Variants in OTUD7A observed in about 807,000 individuals in gnomAD.
OTUD7A encodes the protein OTU deubiquitinase 7A.
Under a neutral mutation model 65.7 loss-of-function variants are expected in OTUD7A, and 12 were observed. The observed-to-expected ratio is 0.18, with a 90% CI of 0.12 to 0.30. The LOEUF (loss-of-function observed/expected upper bound fraction) is 0.30, where lower values mean the gene tolerates loss of function less well. OTUD7A is among the 10% of genes least tolerant of loss of function. The pLI, the probability that OTUD7A is intolerant of heterozygous loss-of-function variation, is 1.00. For missense variants in OTUD7A, 1,148 were observed against 1,304.8 expected (o/e 0.88, Z 1.85); for synonymous variants, 641 against 586.3 (o/e 1.09, Z -1.35).
chr15:31,494,329 G>C (rs2041355547), intron 10 of OTUD7A, among the ~76,000 whole-genome samples: 1 of 152,152 alleles, frequency 6.6e-6, no homozygotes, highest in Admixed American at 6.5e-5. Flanking sequence ...CTCTCTCTTG[G>C]CCACGTGAGG....
chr15:31,508,106 C>T (rs1009732684), intron 8 of OTUD7A, among the ~76,000 whole-genome samples: 1 of 65,358 alleles, frequency 1.5e-5, no homozygotes, highest in African/African-American at 9.4e-5. Flanking sequence ...ACATTAATAA[C>T]AAGGGAGCTA....
intron 1 of OTUD7A, among the ~76,000 whole-genome samples, chr15:31,673,478 T>C (rs975095873): frequency 1.4e-4 from 21 of 152,170 alleles, no homozygotes; most frequent in Admixed American, 1.0e-3. Flanking sequence ...GATTATCTCA[T>C]CCCTGAAAAT....
intron 3 of OTUD7A, among the ~76,000 whole-genome samples, chr15:31,614,919 T>C (rs759600939): frequency 1.3e-5 from 2 of 152,166 alleles, no homozygotes; most frequent in African/African-American, 4.8e-5. Flanking sequence ...CAAAGTATGG[T>C]ACAAGTACTA....
chr15:31,805,135 T>G (rs1389263010), intron 1 of OTUD7A, among the ~76,000 whole-genome samples: 2 of 152,034 alleles, frequency 1.3e-5, no homozygotes, highest in Non-Finnish European at 2.9e-5. Flanking sequence ...ACAGGTCGGG[T>G]GAGTTAGTTT....
At chr15:31,837,370 T>TAA (rs1897079583) in intron 1 of OTUD7A, among the ~76,000 whole-genome samples, 1 of 19,978 alleles carries the variant, frequency 5.0e-5, no homozygotes, top group African/African-American at 2.0e-4. Flanking sequence ...CTACTAAAAA[T>TAA]ACAAAAAAAA....
chr15:31,721,204 C>T (rs1383171592), intron 1 of OTUD7A, among the ~76,000 whole-genome samples: 1 of 152,286 alleles, frequency 6.6e-6, no homozygotes, highest in Non-Finnish European at 1.5e-5. Context: ...GCTGCATGCA[C>T]ACATCTATGT....
intron 1 of OTUD7A, among the ~76,000 whole-genome samples, chr15:31,854,994 G>A (rs77540052): frequency 0.019 from 2,869 of 152,094 alleles, 35 homozygotes; most frequent in Middle Eastern, 0.058. Flanking sequence ...AAATGAAATG[G>A]AGAAGAATAT....
chr15:31,488,490 C>A (rs2041270863), intron 10 of OTUD7A, among the ~76,000 whole-genome samples: 1 of 152,134 alleles, frequency 6.6e-6, no homozygotes, highest in Non-Finnish European at 1.5e-5. Context: ...GCAGGAGGAA[C>A]TGGGAGATGG....
intron 1 of OTUD7A, among the ~76,000 whole-genome samples, chr15:31,797,126 C>G (rs988601186): frequency 6.6e-6 from 1 of 152,146 alleles, no homozygotes; most frequent in African/African-American, 2.4e-5. Context: ...TCATTCAGAG[C>G]TGCCCTAGTG....
chr15:31,746,365 T>C (rs1433131162), intron 1 of OTUD7A, among the ~76,000 whole-genome samples: 4 of 152,084 alleles, frequency 2.6e-5, no homozygotes, highest in Non-Finnish European at 5.9e-5. Context: ...TACACACACA[T>C]ATGTATACAT....
intron 1 of OTUD7A, among the ~76,000 whole-genome samples, chr15:31,818,844 A>G (rs1299769513): frequency 6.6e-6 from 1 of 152,218 alleles, no homozygotes; most frequent in Non-Finnish European, 1.5e-5. Context: ...AAAATAATTT[A>G]TGTAGTCCTG....
At chr15:31,814,283 C>A (rs536586249) in intron 1 of OTUD7A, among the ~76,000 whole-genome samples, 1 of 152,202 alleles carries the variant, frequency 6.6e-6, no homozygotes, top group East Asian at 1.9e-4. Context: ...ACACACAGCA[C>A]TCCCATTCAC....
chr15:31,595,512 C>T (rs989625092), intron 3 of OTUD7A, among the ~76,000 whole-genome samples: 3 of 152,212 alleles, frequency 2.0e-5, no homozygotes, highest in Non-Finnish European at 4.4e-5. Flanking sequence ...CTAGCATGAT[C>T]AAGTAGATCA....
At chr15:31,609,923 G>A (rs1419732046) in intron 3 of OTUD7A, among the ~76,000 whole-genome samples, 1 of 152,178 alleles carries the variant, frequency 6.6e-6, no homozygotes, top group Non-Finnish European at 1.5e-5. Flanking sequence ...CCCAGTACCA[G>A]CCCAGAGCCG....
intron 1 of OTUD7A, among the ~76,000 whole-genome samples, chr15:31,683,660 A>T (rs964358203): frequency 1.2e-4 from 19 of 152,188 alleles, no homozygotes; most frequent in African/African-American, 4.6e-4. Context: ...CCACAGAAAT[A>T]AAAAAATTAA....
rs1896173308 is a variant in OTUD7A at position 31,802,905 on chromosome 15, G to A, written c.-100+67602C>T. 2.0e-5 allele frequency among the ~76,000 whole-genome samples: 3 copies of A among 152,132 alleles called. No individual in the cohort carries two copies. The South Asian group carries it at 6.2e-4, about 32-fold the overall frequency. On this transcript the variant is annotated intron_variant, in intron 1 of 12. Coordinates refer to ENST00000307050, the MANE Select transcript of OTUD7A (RefSeq NM_001382637.1). The stretch of plus-strand genomic sequence containing the variant: ...TGAGTGTTGGTGCAAACACTGCTGA[G>A]GTTTGTCAGGCTCCACAGTGACGTG...
intron 1 of OTUD7A, among the ~76,000 whole-genome samples, chr15:31,811,984 G>A (rs939892283): frequency 1.3e-4 from 20 of 152,214 alleles, no homozygotes; most frequent in African/African-American, 4.1e-4. Flanking sequence ...CTGAGGCTGC[G>A]GGAGGATGCT....
intron 3 of OTUD7A, among the ~76,000 whole-genome samples, chr15:31,626,208 T>C (rs536898488): frequency 1.2e-4 from 18 of 152,286 alleles, no homozygotes; most frequent in Non-Finnish European, 2.2e-4. Context: ...ACCAAAAACA[T>C]ATTGCACTCC....
intron 1 of OTUD7A, chr15:31,765,936 A>G: frequency 7.5e-7 from 1 of 1,326,746 alleles, no homozygotes; most frequent in Non-Finnish European, 1.1e-6. Context: ...GTTTTTAACA[A>G]TATTTTCTAA....
Sources: gnomAD v4.1 joint callset for allele counts (sites outside exome capture counted in the v4.1 genomes callset) on GRCh38, gnomAD v4.1.1 for gene constraint, MANE v1.5 for transcripts, NCBI Gene and HGNC (gene_info 2026-07-23, HGNC 2026-07-21) for gene names.